OLFM3: variants seen among roughly 807,000 people sequenced by gnomAD.
OLFM3 encodes the protein olfactomedin 3.
Under a neutral mutation model 48.6 loss-of-function variants are expected in OLFM3, and 20 were observed. The observed-to-expected ratio is 0.41, with a 90% CI of 0.29 to 0.60. The LOEUF (loss-of-function observed/expected upper bound fraction) is 0.60, where lower values mean the gene tolerates loss of function less well. Among genes scored for constraint, OLFM3 ranks in the 20% least tolerant of loss-of-function variants. The pLI, the probability that OLFM3 is intolerant of heterozygous loss-of-function variation, is 0.28. For missense variants in OLFM3, 437 were observed against 544.3 expected, an observed-to-expected ratio of 0.80 and a Z score of 1.96; for synonymous variants, 222 against 198.1, an observed-to-expected ratio of 1.12 and a Z score of -1.01.
chr1:101,985,332 A>G (rs753425708), intron 1 of OLFM3, among the ~76,000 whole-genome samples: 2 of 152,240 alleles, frequency 1.3e-5, no homozygotes, highest in Non-Finnish European at 2.9e-5. Flanking sequence ...TTTGCGAATT[A>G]GAAAGCAGAC....
intron 1 of OLFM3, chr1:101,846,957 A>G: frequency 2.5e-6 from 4 of 1,612,304 alleles, no homozygotes; most frequent in Non-Finnish European, 3.4e-6. Context: ...GCCAAGCTTC[A>G]GCAGTGGAGG....
At chr1:101,877,887 C>T (rs981151122) in intron 1 of OLFM3, among the ~76,000 whole-genome samples, 5 of 151,310 alleles carry the variant, frequency 3.3e-5, no homozygotes, top group Admixed American at 2.6e-4. Context: ...AGCCTTAGTA[C>T]TGTTCAGATT....
intron 1 of OLFM3, among the ~76,000 whole-genome samples, chr1:101,940,194 G>A (rs1659743804): frequency 6.6e-6 from 1 of 152,038 alleles, no homozygotes; most frequent in Non-Finnish European, 1.5e-5. Context: ...CAGTAATATA[G>A]AACAGTGATA....
At chr1:101,854,170 A>G (rs1388219876) in intron 1 of OLFM3, among the ~76,000 whole-genome samples, 1 of 152,054 alleles carries the variant, frequency 6.6e-6, no homozygotes, top group Non-Finnish European at 1.5e-5. Flanking sequence ...AGATTTAAAA[A>G]AAAATGGTTT....
intron 1 of OLFM3, among the ~76,000 whole-genome samples, chr1:101,983,150 C>T (rs1661146801): frequency 6.6e-6 from 1 of 152,176 alleles, no homozygotes; most frequent in African/African-American, 2.4e-5. Flanking sequence ...TCATCAGCCT[C>T]TTTGCATCTC....
chr1:101,976,719 A>G (rs1452125312), intron 1 of OLFM3, among the ~76,000 whole-genome samples: 1 of 152,186 alleles, frequency 6.6e-6, no homozygotes, highest in Non-Finnish European at 1.5e-5. Flanking sequence ...GTTCATCTCC[A>G]TATCATGAGT....
intron 2 of OLFM3, among the ~76,000 whole-genome samples, chr1:101,835,073 A>C (rs1655336065): frequency 6.6e-6 from 1 of 152,186 alleles, no homozygotes; most frequent in Non-Finnish European, 1.5e-5. Context: ...AAATAGCAAC[A>C]CAGAAGATAA....
intron 1 of OLFM3, among the ~76,000 whole-genome samples, chr1:101,918,563 C>CAT (rs1658995913): frequency 2.8e-5 from 4 of 142,746 alleles, no homozygotes; most frequent in African/African-American, 1.0e-4. Context: ...CTCCTTCCTC[C>CAT]TTTTTTTTTT....
rs151245549 is a variant in OLFM3, at chr1:101,842,145, C to T, written c.70-5120G>A. Among the ~76,000 whole-genome samples, 19 of 152,014 alleles carry T rather than the reference C, an allele frequency of 1.2e-4. No homozygotes were observed. In the East Asian group the frequency reaches 1.9e-3, roughly 15 times the overall value. ...AATTCTTAGGACTGAATAAGAAACG[C>T]GTATTCTTCACTGAAGGAAACCTCC... On this transcript the variant is annotated intron_variant, in intron 1 of 5. Coordinates refer to ENST00000370103, the MANE Select transcript of OLFM3 (RefSeq NM_058170.4).
intron 1 of OLFM3, among the ~76,000 whole-genome samples, chr1:101,986,406 C>CAACT (rs1661240943): frequency 6.6e-6 from 1 of 152,096 alleles, no homozygotes; most frequent in South Asian, 2.1e-4. Context: ...CAGGGCCATA[C>CAACT]AACTAGATAA....
At chr1:101,957,128 A>G (rs988059639) in intron 1 of OLFM3, among the ~76,000 whole-genome samples, 11 of 151,966 alleles carry the variant, frequency 7.2e-5, no homozygotes, top group Non-Finnish European at 1.0e-4. Flanking sequence ...CTTGGTATTC[A>G]ATGTTCATTG....
At chr1:101,951,085 C>T (rs1237002768) in intron 1 of OLFM3, among the ~76,000 whole-genome samples, 1 of 152,150 alleles carries the variant, frequency 6.6e-6, no homozygotes, top group Non-Finnish European at 1.5e-5. Flanking sequence ...ATTTATATTG[C>T]TTTGACAGTC....
rs74398368 is a variant in OLFM3 at position 101,873,665 on chromosome 1, T to C, written c.70-36640A>G. ...ACAATGTATTTGTTCTTCCCTAGTATAAAAGAATAGTTGAGCACAGAGGAG... is the reference window on the plus strand; with the variant it reads ...ACAATGTATTTGTTCTTCCCTAGTACAAAAGAATAGTTGAGCACAGAGGAG... On this transcript the variant is annotated intron_variant, in intron 1 of 5. Coordinates refer to ENST00000370103, the MANE Select transcript of OLFM3 (RefSeq NM_058170.4). 8.9e-3 allele frequency among the ~76,000 whole-genome samples: 1,344 copies of C among 151,862 alleles called. 30 individuals carry two copies. Among genetic ancestry groups the C allele is most frequent in the African/African-American group, 0.031 (1,290 of 41,484 alleles).
intron 4 of OLFM3, among the ~76,000 whole-genome samples, chr1:101,815,234 C>T (rs998650252): frequency 2.6e-5 from 4 of 152,010 alleles, no homozygotes; most frequent in African/African-American, 9.7e-5. Context: ...ATCACAAGGT[C>T]AGGAGATCGA....
intron 1 of OLFM3, among the ~76,000 whole-genome samples, chr1:101,975,507 T>C (rs1417342681): frequency 6.6e-6 from 1 of 152,142 alleles, no homozygotes; most frequent in East Asian, 1.9e-4. Flanking sequence ...TGTATTCTTT[T>C]AAAGGAACAG....
intron 1 of OLFM3, among the ~76,000 whole-genome samples, chr1:101,901,607 G>A (rs867214309): frequency 6.6e-6 from 1 of 152,004 alleles, no homozygotes; most frequent in Admixed American, 6.6e-5. Flanking sequence ...GGAGGCTATC[G>A]AAAAAGTCCA....
At chr1:101,837,093 A>C in intron 1 of OLFM3, 68 bp from the exon 2 acceptor site, 1 of 1,458,352 alleles carries the variant, frequency 6.9e-7, no homozygotes, top group South Asian at 1.3e-5. Context: ...GTTGGTTTGT[A>C]GCATTTCAAG....
At chr1:101,806,641 GT>G (rs1281794016) in intron 4 of OLFM3, among the ~76,000 whole-genome samples, 2 of 151,626 alleles carry the variant, frequency 1.3e-5, no homozygotes, top group Non-Finnish European at 3.0e-5. Flanking sequence ...TTTTCATTCT[GT>G]TTGGCAAAGA....
chr1:101,820,724 G>T (rs1320072510), intron 4 of OLFM3, among the ~76,000 whole-genome samples: 1 of 152,040 alleles, frequency 6.6e-6, no homozygotes, highest in East Asian at 1.9e-4. Context: ...CCTAGATTTT[G>T]CAGGCAATAA....
Sources: allele counts gnomAD v4.1 joint callset (sites outside exome capture counted in the v4.1 genomes callset), GRCh38; gene constraint gnomAD v4.1.1; transcripts MANE v1.5; gene names NCBI Gene and HGNC (gene_info 2026-07-23, HGNC 2026-07-21).